Variants in LRRTM4 observed in about 807,000 individuals in gnomAD.
LRRTM4 encodes leucine rich repeat transmembrane neuronal 4.
In LRRTM4, 25 loss-of-function variants were observed where a neutral mutation model predicts 47.6. The observed-to-expected ratio is 0.53, with a 90% CI of 0.38 to 0.73. The LOEUF is 0.73. LRRTM4 is among the 30% of genes least tolerant of loss of function. The pLI is 0.00. For synonymous variants in LRRTM4, 311 were observed against 269.5 expected, an observed-to-expected ratio of 1.15 and a Z score of -1.51; for missense variants, 638 against 713.4, an observed-to-expected ratio of 0.89 and a Z score of 1.20.
chr2:76,772,457 G>C (rs1558642300), intron 3 of LRRTM4, among the ~76,000 whole-genome samples: 1 of 152,194 alleles, frequency 6.6e-6, no homozygotes, highest in Non-Finnish European at 1.5e-5. Context: ...AAAGTTGGTA[G>C]TCTAGTACTA....
At chr2:76,835,691 G>A (rs1471527341) in intron 3 of LRRTM4, among the ~76,000 whole-genome samples, 1 of 152,016 alleles carries the variant, frequency 6.6e-6, no homozygotes, top group African/African-American at 2.4e-5. Flanking sequence ...TTGACTATTT[G>A]CACATTTATT....
chr2:77,078,499 G>C (rs928082570), intron 3 of LRRTM4, among the ~76,000 whole-genome samples: 1 of 151,984 alleles, frequency 6.6e-6, no homozygotes, highest in African/African-American at 2.4e-5. Flanking sequence ...AGCTGAACTT[G>C]TTCTTCATTA....
intron 3 of LRRTM4, among the ~76,000 whole-genome samples, chr2:76,887,893 T>G (rs1673128419): frequency 1.3e-5 from 2 of 151,136 alleles, no homozygotes; most frequent in Non-Finnish European, 3.0e-5. Context: ...GCCTAAATTA[T>G]CAAGTGAAAG....
intron 3 of LRRTM4, among the ~76,000 whole-genome samples, chr2:76,971,466 C>A (rs1676216569): frequency 6.6e-6 from 1 of 152,016 alleles, no homozygotes; most frequent in South Asian, 2.1e-4. Context: ...GAAGGCCAAC[C>A]ACTGCATCAG....
chr2:76,749,270 G>A (rs569899301), intron 3 of LRRTM4, among the ~76,000 whole-genome samples: 3 of 152,116 alleles, frequency 2.0e-5, no homozygotes, highest in African/African-American at 7.2e-5. Flanking sequence ...AACAATATAG[G>A]GGAGGATCTA....
intron 3 of LRRTM4, among the ~76,000 whole-genome samples, chr2:76,950,984 A>G (rs763383712): frequency 1.6e-4 from 24 of 152,050 alleles, no homozygotes; most frequent in Admixed American, 3.3e-4. Flanking sequence ...GAATCCATCA[A>G]TGTGATTTAA....
At chr2:77,481,163 T>C (rs1391610938) in intron 3 of LRRTM4, among the ~76,000 whole-genome samples, 1 of 152,152 alleles carries the variant, frequency 6.6e-6, no homozygotes, top group Non-Finnish European at 1.5e-5. Flanking sequence ...AGAATACCTT[T>C]TCTGTACCAA....
intron 3 of LRRTM4, among the ~76,000 whole-genome samples, chr2:76,859,054 A>G (rs1216370966): frequency 6.6e-6 from 1 of 152,222 alleles, no homozygotes; most frequent in Non-Finnish European, 1.5e-5. Context: ...AGTAACTGCT[A>G]TTGAATTCAC....
At chr2:76,775,307 T>C (rs948239293) in intron 3 of LRRTM4, among the ~76,000 whole-genome samples, 3 of 152,170 alleles carry the variant, frequency 2.0e-5, no homozygotes, top group Admixed American at 6.5e-5. Context: ...GGCAATCCTT[T>C]CTATATAGTA....
chr2:77,057,263 AG>A (rs1679639986), intron 3 of LRRTM4, among the ~76,000 whole-genome samples: 1 of 152,232 alleles, frequency 6.6e-6, no homozygotes, highest in African/African-American at 2.4e-5. Flanking sequence ...CATAGGATAA[AG>A]TTTAGATAAT....
At chr2:77,113,390 T>C (rs1324293868) in intron 3 of LRRTM4, among the ~76,000 whole-genome samples, 1 of 152,128 alleles carries the variant, frequency 6.6e-6, no homozygotes, top group Non-Finnish European at 1.5e-5. Context: ...TGAATTCTTT[T>C]AAAAAGGTAA....
At chr2:77,265,265 A>G (rs927141816) in intron 3 of LRRTM4, among the ~76,000 whole-genome samples, 3 of 152,102 alleles carry the variant, frequency 2.0e-5, no homozygotes, top group Non-Finnish European at 4.4e-5. Context: ...TATGGTTTGA[A>G]TGTGTCCCCA....
intron 3 of LRRTM4, among the ~76,000 whole-genome samples, chr2:76,857,794 T>G (rs1672198652): frequency 6.6e-6 from 1 of 152,168 alleles, no homozygotes; most frequent in Admixed American, 6.6e-5. Flanking sequence ...TCCATAATAT[T>G]ATGTTGATCT....
At chr2:77,330,154 T>A (rs1183177080) in intron 3 of LRRTM4, among the ~76,000 whole-genome samples, 1 of 152,158 alleles carries the variant, frequency 6.6e-6, no homozygotes, top group Non-Finnish European at 1.5e-5. Flanking sequence ...TGTCACTTGA[T>A]AAATAAATGT....
At chr2:77,100,660 T>C (rs1670928777) in intron 3 of LRRTM4, among the ~76,000 whole-genome samples, 1 of 152,100 alleles carries the variant, frequency 6.6e-6, no homozygotes, top group Non-Finnish European at 1.5e-5. Flanking sequence ...AAATTAAATA[T>C]TGGGAAAAAT....
chr2:77,495,676 A>T (rs1179754909), intron 3 of LRRTM4, among the ~76,000 whole-genome samples: 1 of 151,994 alleles, frequency 6.6e-6, no homozygotes, highest in Non-Finnish European at 1.5e-5. Flanking sequence ...CACTTTTGTC[A>T]AAGATCAGTT....
At chr2:77,339,123 TA>T (rs200513594) in intron 3 of LRRTM4, among the ~76,000 whole-genome samples, 6 of 150,854 alleles carry the variant, frequency 4.0e-5, no homozygotes, top group South Asian at 2.1e-4. Flanking sequence ...GAACAAGGGT[TA>T]AAAAAAAACC....
chr2:76,794,291 A>C (rs1054358339), intron 3 of LRRTM4, among the ~76,000 whole-genome samples: 1 of 152,182 alleles, frequency 6.6e-6, no homozygotes, highest in Non-Finnish European at 1.5e-5. Context: ...TAGATCGGAG[A>C]TAACAAATAT....
chr2:77,422,518 T>C (rs1370287559), intron 3 of LRRTM4, among the ~76,000 whole-genome samples: 1 of 152,184 alleles, frequency 6.6e-6, no homozygotes, highest in Non-Finnish European at 1.5e-5. Flanking sequence ...TACGAGGCAA[T>C]GTGACACATC....
Sources: allele counts gnomAD v4.1 joint callset (sites outside exome capture counted in the v4.1 genomes callset), GRCh38; gene constraint gnomAD v4.1.1; transcripts MANE v1.5; gene names NCBI Gene and HGNC (gene_info 2026-07-23, HGNC 2026-07-21).